ANO2: variants seen among roughly 807,000 people sequenced by gnomAD.
ANO2 encodes anoctamin 2, also known as anoctamin-2.
A neutral mutation model predicts 124.2 loss-of-function variants in ANO2; 101 were observed. That is an observed-to-expected ratio of 0.81 (90% CI 0.69 to 0.96). The LOEUF (loss-of-function observed/expected upper bound fraction) is 0.96. Among genes scored for constraint, ANO2 ranks in the 40% least tolerant of loss-of-function variants. ANO2 has a pLI of 0.00. For synonymous variants in ANO2, 486 were observed against 482.5 expected (o/e 1.01, Z -0.09); for missense variants, 1,293 against 1,274.5 (o/e 1.01, Z -0.22).
chr12:5,935,963 G>A (rs1363248398), intron 1 of ANO2, among the ~76,000 whole-genome samples: 1 of 152,098 alleles, frequency 6.6e-6, no homozygotes, highest in East Asian at 1.9e-4. Flanking sequence ...CCACTATTTG[G>A]GTGGATTTAC....
At chr12:5,861,175 A>T (rs1955255469) in intron 3 of ANO2, among the ~76,000 whole-genome samples, 1 of 152,176 alleles carries the variant, frequency 6.6e-6, no homozygotes, top group Non-Finnish European at 1.5e-5. Context: ...GTGCTGCATA[A>T]GCATAGACAT....
intron 3 of ANO2, among the ~76,000 whole-genome samples, chr12:5,896,961 G>A (rs993276298): frequency 2.6e-5 from 4 of 152,134 alleles, no homozygotes; most frequent in African/African-American, 9.7e-5. Context: ...GTTCTCTTAC[G>A]ATAAAGATGG....
At chr12:5,567,045 A>C (rs1295294475) in intron 23 of ANO2, among the ~76,000 whole-genome samples, 1 of 152,258 alleles carries the variant, frequency 6.6e-6, no homozygotes, top group East Asian at 1.9e-4. Context: ...ACGCACACAC[A>C]AAGATAAAAA....
chr12:5,600,224 A>G (rs1244828994), intron 19 of ANO2, among the ~76,000 whole-genome samples: 5 of 152,156 alleles, frequency 3.3e-5, no homozygotes, highest in African/African-American at 9.7e-5. Context: ...CTAATTCAAT[A>G]GGATTGGTGG....
At chr12:5,621,858 G>A (rs1371025078) in intron 16 of ANO2, among the ~76,000 whole-genome samples, 1 of 150,094 alleles carries the variant, frequency 6.7e-6, no homozygotes, top group East Asian at 1.9e-4. Context: ...AAAGAAGGAG[G>A]AAGAGGGAGG....
At chr12:5,594,029 C>G (rs1281675086) in intron 20 of ANO2, among the ~76,000 whole-genome samples, 1 of 152,182 alleles carries the variant, frequency 6.6e-6, no homozygotes, top group Non-Finnish European at 1.5e-5. Flanking sequence ...TGTCCTCACA[C>G]TTAATAAAAT....
chr12:5,846,988 T>C (rs1954704693), intron 4 of ANO2, among the ~76,000 whole-genome samples: 1 of 152,208 alleles, frequency 6.6e-6, no homozygotes, highest in Non-Finnish European at 1.5e-5. Context: ...CTTGTGATGG[T>C]TCATTTTATG....
chr12:5,697,554 A>C (rs1949234591), intron 14 of ANO2, among the ~76,000 whole-genome samples: 1 of 152,264 alleles, frequency 6.6e-6, no homozygotes, highest in Non-Finnish European at 1.5e-5. Flanking sequence ...TGATTTCTGC[A>C]TTTCCAACTG....
intron 3 of ANO2, among the ~76,000 whole-genome samples, chr12:5,865,489 T>C (rs76678278): frequency 0.017 from 2,535 of 151,324 alleles, 66 homozygotes; most frequent in African/African-American, 0.054. Context: ...ATTCACACCA[T>C]CATACATTTA....
At chr12:5,834,804 G>A (rs1252865673) in intron 4 of ANO2, among the ~76,000 whole-genome samples, 5 of 152,100 alleles carry the variant, frequency 3.3e-5, no homozygotes, top group African/African-American at 9.7e-5. Context: ...CTCTCCAAAA[G>A]GAACCTCACT....
At chr12:5,936,557 G>A (rs1402454596) in intron 1 of ANO2, among the ~76,000 whole-genome samples, 7 of 152,200 alleles carry the variant, frequency 4.6e-5, no homozygotes, top group Non-Finnish European at 1.0e-4. Flanking sequence ...ACTGAATGCT[G>A]ACACCTTGAT....
At chr12:5,910,831 T>G (rs1565771530) in intron 3 of ANO2, among the ~76,000 whole-genome samples, 1 of 152,112 alleles carries the variant, frequency 6.6e-6, no homozygotes, top group Non-Finnish European at 1.5e-5. Flanking sequence ...ATATAACCAT[T>G]CTGTATCCTC....
intron 7 of ANO2, among the ~76,000 whole-genome samples, chr12:5,811,307 T>C (rs1953383204): frequency 6.6e-6 from 1 of 152,224 alleles, no homozygotes; most frequent in Admixed American, 6.5e-5. Flanking sequence ...TAACAGAGAC[T>C]ATATTTACCC....
chr12:5,671,847 T>A (rs1948021771), intron 14 of ANO2, among the ~76,000 whole-genome samples: 1 of 152,200 alleles, frequency 6.6e-6, no homozygotes, highest in Non-Finnish European at 1.5e-5. Flanking sequence ...ACCTAATGGA[T>A]TTCTTTCCCT....
intron 7 of ANO2, among the ~76,000 whole-genome samples, chr12:5,825,360 T>TC (rs1487438930): frequency 1.3e-5 from 2 of 152,150 alleles, no homozygotes; most frequent in East Asian, 3.9e-4. Flanking sequence ...TGAATCACCA[T>TC]CCAATATATG....
chr12:5,909,885 T>C (rs758374183), intron 3 of ANO2, among the ~76,000 whole-genome samples: 3 of 152,164 alleles, frequency 2.0e-5, no homozygotes, highest in Admixed American at 6.5e-5. Flanking sequence ...TTTGGGGCCA[T>C]GGAATGGAAC....
intron 20 of ANO2, among the ~76,000 whole-genome samples, chr12:5,594,603 AG>A (rs1351601214): frequency 6.6e-6 from 1 of 152,200 alleles, no homozygotes; most frequent in Non-Finnish European, 1.5e-5. Context: ...TCAGAGGCCA[AG>A]GCGGGAGGAT....
Position 5,563,301 on chromosome 12 carries a change from A to G in ANO2, c.2995T>C (p.Ter999ArgextTer19), listed in dbSNP as rs112492863. The change falls in exon 25 of 25, where the codon TGA becomes CGA. Residue 999 changes from the stop codon to arginine (R), a stop_lost. Transcript: ENST00000682330. ...TCCTCTGCTGCAGGCTGAACTGCTC[A>G]CACATTGGTGTGCTGAGAGCCTGAC... ...MSSGSQHTNV[*>R] is the part of the protein sequence containing the mutation. 7.5e-6 allele frequency: 12 copies of G among 1,597,170 alleles called. No homozygotes were observed. The highest frequency in any genetic ancestry group is 6.7e-5 in the African/African-American group (5 of 74,780).
intron 13 of ANO2, among the ~76,000 whole-genome samples, chr12:5,733,651 AC>A: frequency 6.6e-6 from 1 of 152,298 alleles, no homozygotes; most frequent in Admixed American, 6.5e-5. Context: ...TTCCCAAGAC[AC>A]GCCATGATGC....
Sources: gnomAD v4.1 joint callset for allele counts (sites outside exome capture counted in the v4.1 genomes callset) on GRCh38, gnomAD v4.1.1 for gene constraint, MANE v1.5 for transcripts, NCBI Gene and HGNC (gene_info 2026-07-23, HGNC 2026-07-21) for gene names.